Variants in SEMA3G observed in about 807,000 individuals in gnomAD.
SEMA3G encodes semaphorin 3G, also known as semaphorin-3G.
Under a neutral mutation model 86.2 loss-of-function variants are expected in SEMA3G, and 70 were observed. The ratio of observed to expected loss-of-function variants is 0.81; its 90% confidence interval spans 0.67 to 0.99. The LOEUF is 0.99. SEMA3G is among the 50% of genes least tolerant of loss of function. The pLI is 0.00. For synonymous variants in SEMA3G, 416 were observed against 441.4 expected (o/e 0.94, Z 0.72); for missense variants, 1,002 against 1,072.4 (o/e 0.93, Z 0.92).
At position 52,436,001 on chromosome 3, in the gene SEMA3G, C is replaced by T. The variant is rs149754805; in HGVS notation, c.1951G>A (p.Gly651Ser). 3.1e-6 allele frequency: 5 copies of T among 1,613,824 alleles called. No individual in the cohort carries two copies. The highest frequency in any genetic ancestry group is 4.2e-6 in the Non-Finnish European group (5 of 1,180,032). ...LFRRLSRFDA[G>S]TYTCTTLEHG... is the part of the protein sequence containing the mutation. ...TCCAGAGTGGTGCAGGTGTAGGTGC[C>T]CGCATCGAAACGGCTAAGCCTGCGG... Residue 651 changes from glycine (G) to serine (S), a missense_variant, in exon 16 of 16, where the codon GGC becomes AGC. Gly to Ser is a moderately conservative substitution (Grantham distance 56). Transcript: ENST00000231721.
chr3:52,437,767 G>T (rs1706073196), intron 14 of SEMA3G, 101 bp from the exon 15 acceptor site: 2 of 1,387,010 alleles, frequency 1.4e-6, no homozygotes, highest in East Asian at 4.9e-5. Context: ...AGTATGACAA[G>T]AACTTAGGCA....
intron 9 of SEMA3G, 44 bp from the exon 10 acceptor site, chr3:52,440,565 G>A: frequency 6.3e-7 from 1 of 1,580,798 alleles, no homozygotes; most frequent in Admixed American, 1.8e-5. Flanking sequence ...GGCCATCAAG[G>A]ACAAGAAGGG....
chr3:52,442,401 G>T lies in SEMA3G; in HGVS notation c.340-97C>A. On this transcript the variant is annotated intron_variant, in intron 3 of 15. Coordinates refer to ENST00000231721, the MANE Select transcript of SEMA3G (RefSeq NM_020163.3). This position sits in a 1 kb window ranked among gnomAD's most constrained non-coding sequence, Gnocchi z 6.1. Reference sequence around the variant, plus strand: ...AGCCCTGTCTGGCGGTCAGCTCTGGGGAGGGGGGTGGGTGTGACATTCCCA... The same window carrying T: ...AGCCCTGTCTGGCGGTCAGCTCTGGTGAGGGGGGTGGGTGTGACATTCCCA... 1 of 554,448 alleles carries T rather than the reference G, an allele frequency of 1.8e-6. No homozygotes were observed. 34.3% of individuals were successfully genotyped at this position (554,448 alleles called of 1,614,324 possible). A position where few individuals can be genotyped will look rare whatever the true frequency, so the allele number is the denominator to read the frequency against.
At chr3:52,437,833 C>T in intron 14 of SEMA3G, 138 bp downstream of exon 14, 1 of 1,098,970 alleles carries the variant, frequency 9.1e-7, no homozygotes, top group Non-Finnish European at 1.3e-6. Context: ...CATGCACTAG[C>T]AGGAGCTACA....
Position 52,434,734 on chromosome 3 carries a change from C to G in SEMA3G, c.*869G>C, listed in dbSNP as rs1378965659. 6 of 152,250 alleles carry G rather than the reference C, an allele frequency of 3.9e-5. No individual in the cohort carries two copies. Among genetic ancestry groups the G allele is most frequent in the Admixed American group, 3.9e-4 (6 of 15,288 alleles). 9.4% of individuals were successfully genotyped at this position (152,250 alleles called of 1,614,324 possible). A position where few individuals can be genotyped will look rare whatever the true frequency, so the allele number is the denominator to read the frequency against. On this transcript the variant is annotated 3_prime_UTR_variant, in exon 16 of 16. Coordinates refer to ENST00000231721, the MANE Select transcript of SEMA3G (RefSeq NM_020163.3). The surrounding 1 kb of genome is among the most constrained non-coding windows in gnomAD (Gnocchi z 5.2). ...CGCCTGCACCCTTCCCCAGCTCCCC[C>G]ACCCTATCTCTAGTCCACAGACACA...
Position 52,445,041 on chromosome 3 carries a change from G to T in SEMA3G, c.-14C>A. On this transcript the variant is annotated 5_prime_UTR_variant, in exon 1 of 16. Coordinates refer to ENST00000231721, the MANE Select transcript of SEMA3G (RefSeq NM_020163.3). ...CGAGGGGGCCATGCTGGGGAACTGA[G>T]GGCACCGCTGCCGCCTGCCTGCAGA... is the stretch of plus-strand genomic sequence containing the variant. The T allele has an allele frequency of 7.9e-7, 1 of 1,266,324 alleles. No homozygotes were observed. 78.4% of individuals were successfully genotyped at this position (1,266,324 alleles called of 1,614,324 possible).
intron 1 of SEMA3G, among the ~76,000 whole-genome samples, chr3:52,443,975 A>G (rs565468363): frequency 6.6e-6 from 1 of 152,282 alleles, no homozygotes; most frequent in East Asian, 1.9e-4. Context: ...CTAGGGTAGA[A>G]CACAGGAACC....
intron 15 of SEMA3G, 24 bp downstream of exon 15, chr3:52,437,502 TA>T: frequency 6.2e-7 from 1 of 1,601,194 alleles, no homozygotes; most frequent in Non-Finnish European, 8.5e-7. Context: ...ACACAGAGGC[TA>T]GAGGCAGGGG....
rs1706009275 is a variant in SEMA3G, at chr3:52,434,665, T to C, written c.*938A>G. On this transcript the variant is annotated 3_prime_UTR_variant, in exon 16 of 16. Transcript: ENST00000231721. The surrounding 1 kb of genome is among the most constrained non-coding windows in gnomAD (Gnocchi z 5.2). ...CCTCCACATTCCCAGCCTCCAGGGC[T>C]GCGGCATGCTTGCATCACCCTGGGA... 6.6e-6 allele frequency: 1 copy of C among 152,266 alleles called. No homozygotes were observed. The highest frequency in any genetic ancestry group is 2.4e-5 in the African/African-American group (1 of 41,448). The allele number at this position is 152,266 out of a possible 1,614,324, so 9.4% of individuals were successfully genotyped here.
At chr3:52,439,022 T>G in intron 12 of SEMA3G, 61 bp from the exon 13 acceptor site, 2 of 1,567,844 alleles carry the variant, frequency 1.3e-6, no homozygotes, top group Middle Eastern at 1.7e-4. Flanking sequence ...CCTGCACCCC[T>G]GCTTTCAGTC....
rs554959385 is a variant in SEMA3G, at chr3:52,440,247, C to T, written c.1143+130G>A. The stretch of plus-strand genomic sequence containing the variant: ...TACACCCACCCCACCCCACCCAGGC[C>T]CTCTGGAGCCCAGGCTTGGCCAACG... On this transcript the variant is annotated intron_variant, in intron 10 of 15. Coordinates refer to ENST00000231721, the MANE Select transcript of SEMA3G (RefSeq NM_020163.3). The T allele has an allele frequency of 6.8e-6, 8 of 1,178,544 alleles. No homozygotes were observed. In the African/African-American group the frequency reaches 1.1e-4, roughly 16 times the overall value. The allele number at this position is 1,178,544 out of a possible 1,614,324, so 73.0% of individuals were successfully genotyped here.
chr3:52,440,839 G>A lies in SEMA3G; in HGVS notation c.929-16C>T, dbSNP rs766865654. The A allele has an allele frequency of 4.3e-6, 7 of 1,610,556 alleles. No individual in the cohort carries two copies. In the East Asian group the frequency reaches 8.9e-5, roughly 21 times the overall value. The stretch of plus-strand genomic sequence containing the variant: ...AACACATCCTCTGGGGTAGAGAAAG[G>A]AGTATGAGTGTCATGGCCACCGCCA... On this transcript the variant is annotated splice_polypyrimidine_tract_variant and intron_variant, in intron 8 of 15. Transcript: ENST00000231721.
Position 52,441,333 on chromosome 3 carries a change from CGAG to C in SEMA3G, c.741_743del (p.Phe247_Ser248delinsLeu), listed in dbSNP as rs1559611228. On this transcript the variant is annotated inframe_deletion, in exon 7 of 16. Transcript: ENST00000231721. The stretch of plus-strand genomic sequence containing the variant: ...CACCATCGGGCGAGGGGACCGTCTC[CGAG>C]AAGAAGAAGTACACCTTGTCATTGT... 3 of 1,613,814 alleles carry C rather than the reference CGAG, an allele frequency of 1.9e-6. No homozygotes were observed. In the South Asian group the frequency reaches 3.3e-5, roughly 18 times the overall value.
intron 13 of SEMA3G, 190 bp downstream of exon 13, chr3:52,438,730 C>T: frequency 1.0e-6 from 1 of 985,494 alleles, no homozygotes; most frequent in Non-Finnish European, 1.2e-6. Context: ...CTTATCTGGA[C>T]ATGGCCCCAC....
Position 52,438,087 on chromosome 3 carries a change from G to A in SEMA3G, c.1622C>T (p.Ala541Val). The A allele has an allele frequency of 6.2e-7, 1 of 1,613,260 alleles. No individual in the cohort carries two copies. The highest frequency in any genetic ancestry group is 8.5e-7 in the Non-Finnish European group (1 of 1,180,026). ...ECCLARDPYCAWDGASCTHYR... is the reference protein window; with the variant it reads ...ECCLARDPYCVWDGASCTHYR... ...GTGGGTACAGGAGGCACCATCCCAG[G>A]CACAGTATGGGTCCCGGGCCAGGCA... The change falls in exon 14 of 16, where the codon GCC (alanine) becomes GTC (valine). Residue 541 changes from alanine (A) to valine (V), a missense_variant. By Grantham distance (64) the Ala-to-Val change is moderately conservative (BLOSUM62 0). Coordinates refer to ENST00000231721, the MANE Select transcript of SEMA3G (RefSeq NM_020163.3).
chr3:52,437,344 T>A (rs1706063822), intron 15 of SEMA3G, among the ~76,000 whole-genome samples, 183 bp downstream of exon 15: 2 of 152,174 alleles, frequency 1.3e-5, no homozygotes, highest in Non-Finnish European at 2.9e-5. Flanking sequence ...GGCCTGGGCA[T>A]TCCCAAAAGG....
At chr3:52,440,647 A>AC in intron 9 of SEMA3G, 107 bp downstream of exon 9, 1 of 1,460,188 alleles carries the variant, frequency 6.8e-7, no homozygotes, top group Non-Finnish European at 9.4e-7. Flanking sequence ...AAAAGCAAAG[A>AC]CCCCAAGGCA....
At position 52,442,772 on chromosome 3, in the gene SEMA3G, T is replaced by C. The variant is rs1424937782; in HGVS notation, c.251A>G (p.Asp84Gly). The change falls in exon 2 of 16, where the codon GAC (aspartate) becomes GGC (glycine). Residue 84 changes from aspartate (D) to glycine (G), a missense_variant. Physicochemically the swap from Asp to Gly is moderately conservative, Grantham distance 94 (BLOSUM62 -1). Transcript: ENST00000231721. The surrounding 1 kb of genome is among the most constrained non-coding windows in gnomAD (Gnocchi z 6.1). ...CTCCCGGGGATCTGGCCATGCCTGGTCCAGCCGCAGAGAGTAGAGGGCGTC... is the reference window on the plus strand; with the variant it reads ...CTCCCGGGGATCTGGCCATGCCTGGCCCAGCCGCAGAGAGTAGAGGGCGTC... ...GLDALYSLRL[D>G]QAWPDPREVL... The C allele has an allele frequency of 1.2e-6, 2 of 1,613,732 alleles. No individual in the cohort carries two copies. Among genetic ancestry groups the C allele is most frequent in the Admixed American group, 3.3e-5 (2 of 59,990 alleles).
At chr3:52,444,135 C>T (rs138330455) in intron 1 of SEMA3G, among the ~76,000 whole-genome samples, 1 of 152,216 alleles carries the variant, frequency 6.6e-6, no homozygotes, top group Admixed American at 6.5e-5. Flanking sequence ...CAAGGGATAG[C>T]ATGCTGCCTG....
Sources: allele counts gnomAD v4.1 joint callset (sites outside exome capture counted in the v4.1 genomes callset), GRCh38; gene constraint gnomAD v4.1.1; non-coding constraint Gnocchi (gnomAD v3.1); transcripts MANE v1.5; gene names NCBI Gene and HGNC (gene_info 2026-07-23, HGNC 2026-07-21).